NHLRC2: variants seen among roughly 807,000 people sequenced by gnomAD.
The protein encoded by NHLRC2 is NHL repeat containing 2.
A neutral mutation model predicts 68.1 loss-of-function variants in NHLRC2; 33 were observed. That is an observed-to-expected ratio of 0.48 (90% CI 0.37 to 0.65). The LOEUF is 0.65. NHLRC2 is among the 30% of genes least tolerant of loss of function. The pLI is 0.00. For synonymous variants in NHLRC2, 311 were observed against 309.6 expected (o/e 1.00, Z -0.05); for missense variants, 761 against 853.8 (o/e 0.89, Z 1.35).
Position 113,910,599 on chromosome 10 carries a change from G to A in NHLRC2, c.*2063G>A, listed in dbSNP as rs543239581. On this transcript the variant is annotated 3_prime_UTR_variant, in exon 11 of 11. Transcript: ENST00000369301. ...TTTGGCCCAATCATTTTCTGTTTAA[G>A]GACTTAAACAATTTCACACTCTAAA... 2.0e-5 allele frequency: 3 copies of A among 152,068 alleles called. No homozygotes were observed. Among genetic ancestry groups the A allele is most frequent in the African/African-American group, 2.4e-5 (1 of 41,410 alleles). 9.4% of individuals were successfully genotyped at this position (152,068 alleles called of 1,614,324 possible).
intron 9 of NHLRC2, among the ~76,000 whole-genome samples, chr10:113,904,315 C>T (rs1441492054): frequency 6.6e-6 from 1 of 151,948 alleles, no homozygotes; most frequent in Non-Finnish European, 1.5e-5. Flanking sequence ...CTATTATAAA[C>T]TAACTCTTGA....
At chr10:113,907,236 C>T (rs1208899309) in intron 10 of NHLRC2, among the ~76,000 whole-genome samples, 1 of 152,142 alleles carries the variant, frequency 6.6e-6, no homozygotes, top group East Asian at 1.9e-4. Context: ...TAAACTAAAG[C>T]AATAAACTAA....
intron 5 of NHLRC2, among the ~76,000 whole-genome samples, chr10:113,889,037 G>A (rs1271004068): frequency 6.6e-6 from 1 of 151,988 alleles, no homozygotes; most frequent in East Asian, 1.9e-4. Context: ...ATGTTGGCCA[G>A]GCTGTTCTCT....
chr10:113,904,339 C>T (rs1846254982), intron 9 of NHLRC2, among the ~76,000 whole-genome samples: 2 of 151,830 alleles, frequency 1.3e-5, no homozygotes, highest in African/African-American at 4.8e-5. Context: ...ATGACATTTA[C>T]CTGAAAAAAA....
chr10:113,884,616 T>TA (rs1277739899), intron 5 of NHLRC2, among the ~76,000 whole-genome samples: 12 of 151,202 alleles, frequency 7.9e-5, no homozygotes, highest in African/African-American at 2.9e-4. Context: ...AGACTATGTG[T>TA]TACTCTAAAG....
intron 5 of NHLRC2, among the ~76,000 whole-genome samples, chr10:113,895,185 A>G (rs2134728696): frequency 6.6e-6 from 1 of 152,332 alleles, no homozygotes; most frequent in South Asian, 2.1e-4. Context: ...TAGTACTATT[A>G]GGAAATACCA....
At chr10:113,894,332 T>C (rs1417659334) in intron 5 of NHLRC2, among the ~76,000 whole-genome samples, 1 of 152,208 alleles carries the variant, frequency 6.6e-6, no homozygotes. Context: ...ATTCTTAGTG[T>C]AGAAGGCTTA....
intron 2 of NHLRC2, among the ~76,000 whole-genome samples, chr10:113,862,209 A>G (rs966419100): frequency 5.9e-5 from 9 of 152,280 alleles, no homozygotes; most frequent in Admixed American, 2.0e-4. Context: ...AAACTAATGC[A>G]TTAAAGTAAT....
At chr10:113,864,695 A>T (rs1474853650) in intron 2 of NHLRC2, among the ~76,000 whole-genome samples, 3 of 18,324 alleles carry the variant, frequency 1.6e-4, no homozygotes, top group Non-Finnish European at 3.1e-4. Flanking sequence ...GACTCCGTCT[A>T]AAAAAAAAAA....
rs114324037 is a variant in NHLRC2 at position 113,887,339 on chromosome 10, A to G, written c.1039+2959A>G. 5.8e-3 allele frequency among the ~76,000 whole-genome samples: 885 copies of G among 152,326 alleles called. 9 individuals carry two copies. Among genetic ancestry groups the G allele is most frequent in the African/African-American group, 0.019 (804 of 41,546 alleles). Reference sequence around the variant, plus strand: ...AAATAGAATATTTATATGATCCATCAGTCTGACTTAACAAAGGCATTTAAA... The same window carrying G: ...AAATAGAATATTTATATGATCCATCGGTCTGACTTAACAAAGGCATTTAAA... On this transcript the variant is annotated intron_variant, in intron 5 of 10. Transcript: ENST00000369301.
intron 4 of NHLRC2, among the ~76,000 whole-genome samples, chr10:113,882,926 GA>G (rs1247920752): frequency 6.6e-6 from 1 of 151,756 alleles, no homozygotes; most frequent in East Asian, 1.9e-4. Flanking sequence ...AGTTACCCCA[GA>G]AACATTTGTC....
intron 5 of NHLRC2, among the ~76,000 whole-genome samples, chr10:113,892,675 T>A (rs368223234): frequency 1.1e-4 from 16 of 152,212 alleles, no homozygotes; most frequent in African/African-American, 3.6e-4. Flanking sequence ...TTCATTTTGT[T>A]TACAAAAACA....
At position 113,903,643 on chromosome 10, in the gene NHLRC2, G is replaced by C. The variant is rs1278987131; in HGVS notation, c.1611G>C (p.Leu537Phe). ...TESTFNEPGGLCIGENGELLY... is the reference protein window; with the variant it reads ...TESTFNEPGGFCIGENGELLY... ...CAACTTTTAATGAACCAGGAGGCTT[G>C]TGTATTGGAGAGAATGGAGAATTAT... Residue 537 changes from leucine to phenylalanine, a missense_variant, in exon 9 of 11, where the codon TTG (leucine) becomes TTC (phenylalanine). Physicochemically the swap from Leu to Phe is conservative, Grantham distance 22. Coordinates refer to ENST00000369301, the MANE Select transcript of NHLRC2 (RefSeq NM_198514.4). 6.2e-7 allele frequency: 1 copy of C among 1,605,090 alleles called. No homozygotes were observed. The highest frequency in any genetic ancestry group is 1.7e-5 in the Admixed American group (1 of 60,000).
chr10:113,870,895 G>A (rs1006891334), intron 2 of NHLRC2, among the ~76,000 whole-genome samples: 1 of 150,360 alleles, frequency 6.7e-6, no homozygotes, highest in Non-Finnish European at 1.5e-5. Flanking sequence ...TTAATCTTAT[G>A]TTTATATGGC....
intron 2 of NHLRC2, among the ~76,000 whole-genome samples, chr10:113,874,991 A>G (rs1845964750): frequency 1.3e-5 from 2 of 151,406 alleles, no homozygotes; most frequent in Middle Eastern, 3.4e-3. Context: ...TAGTTGCTTG[A>G]AAGTCTTTGG....
intron 4 of NHLRC2, among the ~76,000 whole-genome samples, chr10:113,880,288 C>T (rs1422263664): frequency 6.6e-6 from 1 of 151,446 alleles, no homozygotes; most frequent in Non-Finnish European, 1.5e-5. Flanking sequence ...ATTAAAAAGC[C>T]TTTTTGTAGA....
chr10:113,871,157 T>C (rs929441598), intron 2 of NHLRC2, among the ~76,000 whole-genome samples: 41 of 151,794 alleles, frequency 2.7e-4, no homozygotes, highest in Admixed American at 2.7e-3. Context: ...CCCAAGTAGC[T>C]GGGATTACGT....
chr10:113,865,327 G>A (rs1313115372), intron 2 of NHLRC2, among the ~76,000 whole-genome samples: 2 of 139,166 alleles, frequency 1.4e-5, no homozygotes, highest in East Asian at 4.2e-4. Context: ...TGGTTTATTA[G>A]CATATTACTG....
In NHLRC2 at chr10:113,911,419, A is replaced by AATATTTAGTT. The variant is rs544170379; in HGVS notation, c.*2886_*2887insTTTAGTTATA. On this transcript the variant is annotated 3_prime_UTR_variant, in exon 11 of 11. Transcript: ENST00000369301. Reference sequence around the variant, plus strand: ...AAATAATTTTTTTCTTAACTGTTCTAATAATATTTAGTTATAATATTATCA... The same window carrying AATATTTAGTT: ...AAATAATTTTTTTCTTAACTGTTCTAATATTTAGTTATAATATTTAGTTATAATATTATCA... 552 of 152,184 alleles carry AATATTTAGTT rather than the reference A, an allele frequency of 3.6e-3. 2 individuals carry two copies. Among genetic ancestry groups the AATATTTAGTT allele is most frequent in the African/African-American group, 0.013 (527 of 41,572 alleles). 9.4% of individuals were successfully genotyped at this position (152,184 alleles called of 1,614,324 possible). A position where few individuals can be genotyped will look rare whatever the true frequency, so the allele number is the denominator to read the frequency against.
Sources: gnomAD v4.1 joint callset for allele counts (sites outside exome capture counted in the v4.1 genomes callset) on GRCh38, gnomAD v4.1.1 for gene constraint, MANE v1.5 for transcripts, NCBI Gene and HGNC (gene_info 2026-07-23, HGNC 2026-07-21) for gene names.